MINDY3: variants seen among roughly 807,000 people sequenced by gnomAD.
MINDY3 encodes ubiquitin carboxyl-terminal hydrolase MINDY-3.
Under a neutral mutation model 69.2 loss-of-function variants are expected in MINDY3, and 38 were observed. That is an observed-to-expected ratio of 0.55 (90% CI 0.42 to 0.72). The LOEUF (loss-of-function observed/expected upper bound fraction) is 0.72. Ranked by LOEUF, MINDY3 falls within the 30% of genes least tolerant of loss-of-function variation. The pLI is 0.00. For synonymous variants in MINDY3, 192 were observed against 180.1 expected (o/e 1.07, Z -0.53); for missense variants, 522 against 519.0 (o/e 1.01, Z -0.06).
At chr10:15,812,631 T>C (rs1164403543) in intron 10 of MINDY3, among the ~76,000 whole-genome samples, 2 of 152,174 alleles carry the variant, frequency 1.3e-5, no homozygotes, top group African/African-American at 2.4e-5. Context: ...CTCCCATCAC[T>C]GCTCTTTGGA....
At chr10:15,806,038 A>T (rs74626242) in intron 10 of MINDY3, among the ~76,000 whole-genome samples, 1,574 of 152,254 alleles carry the variant, frequency 0.01, 27 homozygotes, top group African/African-American at 0.035. Context: ...CAGTAGTCAC[A>T]CACTCCTCCT....
chr10:15,828,318 A>G (rs1840226549), intron 8 of MINDY3, among the ~76,000 whole-genome samples: 1 of 152,194 alleles, frequency 6.6e-6, no homozygotes, highest in South Asian at 2.1e-4. Context: ...TCAATCAGTC[A>G]CCAAAGACCG....
intron 8 of MINDY3, among the ~76,000 whole-genome samples, chr10:15,831,306 G>A (rs192254189): frequency 1.1e-4 from 17 of 152,262 alleles, no homozygotes; most frequent in African/African-American, 4.1e-4. Flanking sequence ...CCTGGCAGTG[G>A]GAGGGAAAAT....
chr10:15,806,804 TC>T (rs1365904990), intron 10 of MINDY3, among the ~76,000 whole-genome samples: 3 of 152,194 alleles, frequency 2.0e-5, no homozygotes, highest in African/African-American at 7.2e-5. Flanking sequence ...GTATTAACTT[TC>T]CCATTATAAC....
Position 15,811,469 on chromosome 10 carries a change from A to T in MINDY3, c.882+5366T>A, listed in dbSNP as rs143182055. 3.4e-3 allele frequency among the ~76,000 whole-genome samples: 513 copies of T among 152,298 alleles called. 3 individuals carry two copies. The highest frequency in any genetic ancestry group is 0.012 in the African/African-American group (488 of 41,582). On this transcript the variant is annotated intron_variant, in intron 10 of 14. Transcript: ENST00000277632. ...GTGCTAGTCATGAGACTATGTATAG[A>T]TTAATATTTCTGAAAATTTTGGAAG...
Position 15,782,343 on chromosome 10 carries a change from T to C in MINDY3, c.1117-117A>G, listed in dbSNP as rs1038787542. ...CCTTATCCTTTGACTGGGGACTCAT[T>C]TGACAAAAGAAGGAACTTAGGTTTA... On this transcript the variant is annotated intron_variant, in intron 13 of 14. Coordinates refer to ENST00000277632, the MANE Select transcript of MINDY3 (RefSeq NM_024948.4). 5.7e-6 allele frequency: 4 copies of C among 704,214 alleles called. No individual in the cohort carries two copies. In the Admixed American group the frequency reaches 1.3e-4, roughly 24 times the overall value. 43.6% of individuals were successfully genotyped at this position (704,214 alleles called of 1,614,324 possible). A position where few individuals can be genotyped will look rare whatever the true frequency, so the allele number is the denominator to read the frequency against.
intron 10 of MINDY3, among the ~76,000 whole-genome samples, chr10:15,815,281 T>A (rs1190824521): frequency 6.6e-6 from 1 of 152,230 alleles, no homozygotes; most frequent in Non-Finnish European, 1.5e-5. Context: ...ATGCAATGTA[T>A]CAGTAACTCT....
chr10:15,828,454 T>C (rs1840239547), intron 8 of MINDY3, among the ~76,000 whole-genome samples: 1 of 152,110 alleles, frequency 6.6e-6, no homozygotes, highest in Admixed American at 6.6e-5. Flanking sequence ...CTTTTTAAGA[T>C]GACAAAATTT....
chr10:15,821,698 T>C lies in MINDY3; in HGVS notation c.759A>G (p.Ala253=), dbSNP rs772115363. ...CTTCCATTAGTGTTAAAAATCCTAC[T>C]GCTGCTTGTTCATGTATACCAAGAA... ...MKLLGIHEQA[A]VGFLTLMEAL... is the part of the protein sequence containing the mutation. Residue 253 remains alanine, a synonymous_variant, in exon 9 of 15, where the codon GCA becomes GCG. Transcript: ENST00000277632. 8.7e-6 allele frequency: 14 copies of C among 1,611,832 alleles called. No homozygotes were observed. In the Admixed American group the frequency reaches 1.7e-4, roughly 19 times the overall value.
intron 1 of MINDY3, among the ~76,000 whole-genome samples, chr10:15,851,838 C>A (rs569063374): frequency 7.9e-5 from 12 of 152,152 alleles, no homozygotes; most frequent in African/African-American, 2.9e-4. Context: ...AAATAAAACC[C>A]AAACTCCTTT....
At chr10:15,822,087 T>A (rs1839807059) in intron 8 of MINDY3, among the ~76,000 whole-genome samples, 1 of 152,130 alleles carries the variant, frequency 6.6e-6, no homozygotes, top group Non-Finnish European at 1.5e-5. Flanking sequence ...AGGGCTAACT[T>A]GAATTGACTT....
In MINDY3 at chr10:15,798,711, CG is replaced by C. The variant is rs375428340; in HGVS notation, c.883-2540del. ...AGGAAAATCATTTGAACCTGTGAGG[CG>C]GAGGTTGCAGTGAACCAAGATCATG... On this transcript the variant is annotated intron_variant, in intron 10 of 14. Transcript: ENST00000277632. 8.5e-5 allele frequency among the ~76,000 whole-genome samples: 13 copies of C among 152,072 alleles called. 1 individual carries two copies. Among genetic ancestry groups the C allele is most frequent in the African/African-American group, 2.9e-4 (12 of 41,482 alleles).
intron 9 of MINDY3, among the ~76,000 whole-genome samples, chr10:15,821,430 C>G (rs1839752273): frequency 6.6e-6 from 1 of 152,114 alleles, no homozygotes; most frequent in Non-Finnish European, 1.5e-5. Context: ...TCTGCCCCTC[C>G]TCCGACAAAA....
intron 8 of MINDY3, among the ~76,000 whole-genome samples, chr10:15,833,000 A>C (rs528755679): frequency 6.6e-6 from 1 of 152,242 alleles, no homozygotes; most frequent in Non-Finnish European, 1.5e-5. Context: ...ATGAATAAAT[A>C]AATGAATTCA....
At chr10:15,846,768 G>A (rs1217729515) in intron 2 of MINDY3, among the ~76,000 whole-genome samples, 2 of 148,020 alleles carry the variant, frequency 1.4e-5, no homozygotes, top group African/African-American at 5.0e-5. Context: ...CTGTCGCCCA[G>A]GCTGGAGTAC....
At chr10:15,826,915 A>G (rs146999592) in intron 8 of MINDY3, among the ~76,000 whole-genome samples, 1,677 of 152,196 alleles carry the variant, frequency 0.011, 32 homozygotes, top group African/African-American at 0.036. Context: ...AACATTAAAA[A>G]ACAAAAAGCC....
chr10:15,855,266 T>C (rs1834609151), intron 1 of MINDY3, among the ~76,000 whole-genome samples: 1 of 152,074 alleles, frequency 6.6e-6, no homozygotes, highest in Non-Finnish European at 1.5e-5. Flanking sequence ...AGAGCCAAAA[T>C]GAAATAAAGT....
chr10:15,792,057 T>TAAC (rs1486325103), intron 11 of MINDY3, among the ~76,000 whole-genome samples: 2 of 152,084 alleles, frequency 1.3e-5, no homozygotes, highest in African/African-American at 2.4e-5. Context: ...TACTTGAGAC[T>TAAC]AACATTTTCC....
chr10:15,853,051 T>C (rs1273957979), intron 1 of MINDY3, among the ~76,000 whole-genome samples: 1 of 152,116 alleles, frequency 6.6e-6, no homozygotes, highest in Non-Finnish European at 1.5e-5. Flanking sequence ...TTTTGGTATC[T>C]GCAGGGGGAT....
Sources: gnomAD v4.1 joint callset for allele counts (sites outside exome capture counted in the v4.1 genomes callset) on GRCh38, gnomAD v4.1.1 for gene constraint, MANE v1.5 for transcripts, NCBI Gene and HGNC (gene_info 2026-07-23, HGNC 2026-07-21) for gene names.